The following EBF1 variants were observed in gnomAD, a reference collection of about 807,000 sequenced individuals.
EBF1 encodes the protein EBF transcription factor 1, also known as transcription factor COE1.
A neutral mutation model predicts 68.4 loss-of-function variants in EBF1; 10 were observed. The observed-to-expected ratio is 0.15, with a 90% CI of 0.09 to 0.25. The LOEUF (loss-of-function observed/expected upper bound fraction) is 0.25. Ranked by LOEUF, EBF1 falls within the 10% of genes least tolerant of loss-of-function variation. EBF1 has a pLI of 1.00. For synonymous variants in EBF1, 298 were observed against 299.8 expected (o/e 0.99, Z 0.06); for missense variants, 509 against 794.4 (o/e 0.64, Z 4.32).
At chr5:158,933,042 G>A (rs1287495906) in intron 6 of EBF1, among the ~76,000 whole-genome samples, 1 of 152,124 alleles carries the variant, frequency 6.6e-6, no homozygotes, top group Non-Finnish European at 1.5e-5. Context: ...CTGGGCTTAG[G>A]ATAATTGTAG....
rs185330695 is a variant in EBF1, at chr5:159,061,943, G to A, written c.554+11453C>T. On this transcript the variant is annotated intron_variant, in intron 6 of 15. Coordinates refer to ENST00000313708, the MANE Select transcript of EBF1 (RefSeq NM_024007.5). ...TTTATTATTTTTTGAATGCTACATT[G>A]TTCTACAATAAGAATCCATGTTCAA... Among the ~76,000 whole-genome samples, 550 of 152,180 alleles carry A rather than the reference G, an allele frequency of 3.6e-3. 1 individual carries two copies. The highest frequency in any genetic ancestry group is 5.7e-3 in the Non-Finnish European group (388 of 67,978).
At position 158,867,275 on chromosome 5, in the gene EBF1, GTGT is replaced by G. The variant is rs1345653931; in HGVS notation, c.555-27168_555-27166del. On this transcript the variant is annotated intron_variant, in intron 6 of 15. Transcript: ENST00000313708. ...TTATGACAAAATTGGTGGTTGTTGG[GTGT>G]TGGGTTGGAAGAGGTTACTTATTTG... 5.9e-5 allele frequency among the ~76,000 whole-genome samples: 9 copies of G among 152,278 alleles called. No individual in the cohort carries two copies. In the South Asian group the frequency reaches 1.2e-3, roughly 21 times the overall value.
intron 8 of EBF1, among the ~76,000 whole-genome samples, chr5:158,821,046 G>T (rs1353259160): frequency 6.6e-6 from 1 of 152,160 alleles, no homozygotes; most frequent in Non-Finnish European, 1.5e-5. Context: ...GCAACAACTG[G>T]CTGGGGCCGA....
chr5:158,725,975 A>G (rs542039058), intron 11 of EBF1, among the ~76,000 whole-genome samples: 1 of 152,328 alleles, frequency 6.6e-6, no homozygotes, highest in South Asian at 2.1e-4. Context: ...GTTGTTCTTA[A>G]AAGGCAACAG....
intron 5 of EBF1, among the ~76,000 whole-genome samples, chr5:159,078,448 A>G (rs1461228222): frequency 6.6e-6 from 1 of 152,238 alleles, no homozygotes; most frequent in Non-Finnish European, 1.5e-5. Context: ...AATAAAAGAA[A>G]TCACAATGAT....
At chr5:158,887,854 A>G (rs776329246) in intron 6 of EBF1, among the ~76,000 whole-genome samples, 5 of 152,202 alleles carry the variant, frequency 3.3e-5, no homozygotes, top group African/African-American at 4.8e-5. Context: ...TGATTCAAAG[A>G]GTGGGGGGAA....
rs1379489992 is a variant in EBF1 at position 158,698,035 on chromosome 5, A to C, written c.*1076T>G. The C allele has an allele frequency of 4.7e-6, 1 of 214,564 alleles. No homozygotes were observed. Among genetic ancestry groups the C allele is most frequent in the African/African-American group, 2.3e-5 (1 of 44,272 alleles). The allele number at this position is 214,564 out of a possible 1,614,324, so 13.3% of individuals were successfully genotyped here. A position where few individuals can be genotyped will look rare whatever the true frequency, so the allele number is the denominator to read the frequency against. ...TCAATCTATTATGTTACAAATGGTA[A>C]GGGTCGACTGATAGAGGCAGTATCT... On this transcript the variant is annotated 3_prime_UTR_variant, in exon 16 of 16. Transcript: ENST00000313708.
chr5:158,771,741 C>T (rs1773917461), intron 10 of EBF1, among the ~76,000 whole-genome samples: 1 of 152,076 alleles, frequency 6.6e-6, no homozygotes, highest in African/African-American at 2.4e-5. Context: ...AGAGACTCTC[C>T]CAGTCAATCA....
chr5:159,097,553 G>C (rs1400240885), intron 1 of EBF1: 1 of 244,222 alleles, frequency 4.1e-6, no homozygotes, highest in Admixed American at 5.3e-5. Flanking sequence ...TAGCAGGGCA[G>C]GTGGGAATGG....
chr5:158,948,969 T>C (rs897774578), intron 6 of EBF1, among the ~76,000 whole-genome samples: 12 of 152,204 alleles, frequency 7.9e-5, no homozygotes, highest in African/African-American at 2.4e-4. Flanking sequence ...AGTTGGATCA[T>C]GGCATTTTAT....
chr5:158,966,910 C>T (rs1353128152), intron 6 of EBF1, among the ~76,000 whole-genome samples: 1 of 152,182 alleles, frequency 6.6e-6, no homozygotes, highest in Non-Finnish European at 1.5e-5. Flanking sequence ...CATAGGCTTA[C>T]TTAAGCAGAT....
intron 6 of EBF1, among the ~76,000 whole-genome samples, chr5:158,917,277 A>G (rs946104629): frequency 1.3e-5 from 2 of 152,192 alleles, no homozygotes; most frequent in African/African-American, 4.8e-5. Flanking sequence ...TCCTTCGTAC[A>G]TACTCTCCAA....
intron 6 of EBF1, among the ~76,000 whole-genome samples, chr5:158,910,394 C>T (rs984025101): frequency 9.9e-5 from 15 of 152,190 alleles, no homozygotes; most frequent in Non-Finnish European, 5.9e-5. Context: ...CTTAGAAATT[C>T]GTGGAAGTAA....
At chr5:158,888,898 A>G (rs1424505231) in intron 6 of EBF1, among the ~76,000 whole-genome samples, 1 of 152,044 alleles carries the variant, frequency 6.6e-6, no homozygotes, top group Non-Finnish European at 1.5e-5. Context: ...TCCCTGTCAT[A>G]GATGTGTCCT....
chr5:158,731,683 C>T (rs1438447047), intron 10 of EBF1, among the ~76,000 whole-genome samples: 1 of 152,128 alleles, frequency 6.6e-6, no homozygotes, highest in Non-Finnish European at 1.5e-5. Context: ...GTATGGAAAG[C>T]CAGTGCCACC....
At chr5:159,020,978 C>T (rs1766565930) in intron 6 of EBF1, among the ~76,000 whole-genome samples, 1 of 152,230 alleles carries the variant, frequency 6.6e-6, no homozygotes, top group Admixed American at 6.5e-5. Context: ...GCAATGAACA[C>T]CTTCTGACCC....
chr5:158,876,777 T>A (rs1387677807), intron 6 of EBF1, among the ~76,000 whole-genome samples: 1 of 152,228 alleles, frequency 6.6e-6, no homozygotes, highest in Non-Finnish European at 1.5e-5. Flanking sequence ...GCCAGTGTTA[T>A]GCTTTGATAG....
chr5:158,892,643 T>C (rs1432393971), intron 6 of EBF1, among the ~76,000 whole-genome samples: 3 of 152,220 alleles, frequency 2.0e-5, no homozygotes, highest in South Asian at 4.1e-4. Context: ...GCCTTTAGGC[T>C]ATAAGTTTAA....
At chr5:158,882,814 C>T (rs865931505) in intron 6 of EBF1, among the ~76,000 whole-genome samples, 2 of 152,206 alleles carry the variant, frequency 1.3e-5, no homozygotes, top group Non-Finnish European at 2.9e-5. Context: ...TACACACCAT[C>T]GAGCACCTCG....
Sources: gnomAD v4.1 joint callset for allele counts (sites outside exome capture counted in the v4.1 genomes callset) on GRCh38, gnomAD v4.1.1 for gene constraint, MANE v1.5 for transcripts, NCBI Gene and HGNC (gene_info 2026-07-23, HGNC 2026-07-21) for gene names.